ATAD2: variants seen among roughly 807,000 people sequenced by gnomAD.
ATAD2 encodes ATPase family AAA domain-containing protein 2.
A neutral mutation model predicts 168.9 loss-of-function variants in ATAD2; 62 were observed. The ratio of observed to expected loss-of-function variants is 0.37; its 90% CI spans 0.30 to 0.45. The LOEUF (loss-of-function observed/expected upper bound fraction) is 0.45, where lower values mean the gene tolerates loss of function less well. Among genes scored for constraint, ATAD2 ranks in the 20% least tolerant of loss-of-function variants. ATAD2 has a pLI of 1.00. For missense variants in ATAD2, 1,419 were observed against 1,667.8 expected (o/e 0.85, Z 2.60); for synonymous variants, 613 against 571.6 (o/e 1.07, Z -1.03).
intron 7 of ATAD2, 30 bp from the exon 8 acceptor site, chr8:123,369,205 G>GTATA (rs5894661): frequency 2.0e-4 from 126 of 635,572 alleles, no homozygotes; most frequent in Middle Eastern, 1.1e-3. Flanking sequence ...ATATATATTT[G>GTATA]TATATATATA....
chr8:123,351,524 T>C (rs530278469), intron 13 of ATAD2, among the ~76,000 whole-genome samples: 2 of 152,238 alleles, frequency 1.3e-5, no homozygotes, highest in African/African-American at 4.8e-5. Context: ...TGCAAAATGG[T>C]GACTTTCTGA....
chr8:123,399,582 C>T (rs1005647532), upstream of ATAD2, among the ~76,000 whole-genome samples: 4 of 152,018 alleles, frequency 2.6e-5, no homozygotes, highest in African/African-American at 4.8e-5. Context: ...TGAGGCCAGG[C>T]GGGGCGGCTC....
chr8:123,400,922 C>G, upstream of ATAD2: 4 of 1,398,574 alleles, frequency 2.9e-6, no homozygotes, highest in South Asian at 3.5e-5. This position sits in a 1 kb window ranked among gnomAD's most constrained non-coding sequence, Gnocchi z 4.5. Context: ...GGCTTCATCA[C>G]GGACCCCATG....
chr8:123,328,684 CAG>C, intron 24 of ATAD2, 105 bp from the exon 25 acceptor site: 1 of 1,174,808 alleles, frequency 8.5e-7, no homozygotes, highest in Non-Finnish European at 1.1e-6. Context: ...TGAGAAACCA[CAG>C]TATTTTGTAT....
intron 1 of ATAD2, among the ~76,000 whole-genome samples, chr8:123,408,040 T>C (rs1038286401): frequency 6.6e-6 from 1 of 152,186 alleles, no homozygotes; most frequent in African/African-American, 2.4e-5. Flanking sequence ...AATTAGAAAG[T>C]AAACATTAAT....
At chr8:123,326,602 G>A (rs1031450010) in intron 25 of ATAD2, among the ~76,000 whole-genome samples, 3 of 151,994 alleles carry the variant, frequency 2.0e-5, no homozygotes, top group South Asian at 2.1e-4. Flanking sequence ...CGTTTGAGCC[G>A]AGGAGGCAGA....
intron 1 of ATAD2, among the ~76,000 whole-genome samples, chr8:123,389,365 C>T (rs548363505): frequency 4.0e-5 from 6 of 148,228 alleles, no homozygotes; most frequent in African/African-American, 9.9e-5. Context: ...GTCGGCCGGG[C>T]GTGGTGGCTC....
intron 24 of ATAD2, among the ~76,000 whole-genome samples, chr8:123,330,008 G>C (rs1352377718): frequency 3.9e-5 from 5 of 128,908 alleles, no homozygotes; most frequent in African/African-American, 1.8e-4. Context: ...TTTTTTTTGA[G>C]ACAGGGTCTT....
chr8:123,370,382 C>T (rs996506837), intron 6 of ATAD2, among the ~76,000 whole-genome samples: 4 of 151,974 alleles, frequency 2.6e-5, no homozygotes, highest in Non-Finnish European at 4.4e-5. Context: ...AACTTTTTGA[C>T]AAGTTTTCAA....
chr8:123,346,596 T>C (rs775209571), intron 17 of ATAD2, 22 bp downstream of exon 17: 14 of 1,511,696 alleles, frequency 9.3e-6, no homozygotes, highest in East Asian at 4.7e-5. Context: ...GCAAAAAACA[T>C]TGATTTGCAA....
At chr8:123,378,701 CAAAAAAAAAA>C (rs71808201) in intron 2 of ATAD2, among the ~76,000 whole-genome samples, 2 of 73,046 alleles carry the variant, frequency 2.7e-5, no homozygotes, top group South Asian at 6.5e-4. Flanking sequence ...GACTGTGTCT[CAAAAAAAAAA>C]AAAAAAAAAA....
At chr8:123,365,780 G>C (rs1422467688) in intron 8 of ATAD2, among the ~76,000 whole-genome samples, 1 of 152,100 alleles carries the variant, frequency 6.6e-6, no homozygotes, top group Non-Finnish European at 1.5e-5. Flanking sequence ...AAGATGGATC[G>C]AGGACTTAAA....
At position 123,370,958 on chromosome 8, in the gene ATAD2, C is replaced by A; in HGVS notation, c.672G>T (p.Gln224His). Reference sequence around the variant, plus strand: ...CTTCATCAGTTCTTTGAATATCTTTCTGTTTTCCTCTTGTGTACATATTAA... The same window carrying A: ...CTTCATCAGTTCTTTGAATATCTTTATGTTTTCCTCTTGTGTACATATTAA... ...SNLNMYTRGK[Q>H]KDIQRTDEET... The change falls in exon 6 of 28, where the codon CAG becomes CAT. Residue 224 changes from glutamine to histidine, a missense_variant. Around this residue, in one of 5 missense-constraint regions of ATAD2, gnomAD observed 419 missense variants for 423.5 expected, o/e 0.99. Coordinates refer to ENST00000287394, the MANE Select transcript of ATAD2 (RefSeq NM_014109.4). 6.2e-7 allele frequency: 1 copy of A among 1,606,378 alleles called. No homozygotes were observed. The highest frequency in any genetic ancestry group is 1.3e-5 in the African/African-American group (1 of 74,762).
chr8:123,332,254 A>G (rs374686633), intron 24 of ATAD2, among the ~76,000 whole-genome samples: 3 of 152,208 alleles, frequency 2.0e-5, no homozygotes, highest in East Asian at 1.9e-4. Context: ...ATCCACACAT[A>G]TGTGGACCTG....
upstream of ATAD2, chr8:123,400,579 A>T (rs1331576624): frequency 1.9e-6 from 1 of 530,772 alleles, no homozygotes; most frequent in East Asian, 4.3e-5. The surrounding 1 kb of genome is among the most constrained non-coding windows in gnomAD (Gnocchi z 4.5). Context: ...TGGCAGCCTG[A>T]CAGACTACCT....
intron 8 of ATAD2, among the ~76,000 whole-genome samples, chr8:123,368,679 G>C (rs1252918312): frequency 6.6e-6 from 1 of 152,170 alleles, no homozygotes; most frequent in Non-Finnish European, 1.5e-5. Flanking sequence ...ATGCATCTGT[G>C]ATAGTATGCA....
intron 2 of ATAD2, among the ~76,000 whole-genome samples, chr8:123,373,960 T>C (rs936434903): frequency 2.6e-5 from 4 of 152,140 alleles, no homozygotes; most frequent in African/African-American, 9.7e-5. Flanking sequence ...CAACTTAAAG[T>C]AAAATAAAAC....
intron 24 of ATAD2, among the ~76,000 whole-genome samples, chr8:123,332,387 A>G (rs1049285230): frequency 2.6e-5 from 4 of 152,220 alleles, no homozygotes; most frequent in Non-Finnish European, 5.9e-5. Context: ...AATATATACT[A>G]ACATTCCAAA....
chr8:123,324,795 G>T (rs940526294), intron 26 of ATAD2, among the ~76,000 whole-genome samples: 4 of 152,176 alleles, frequency 2.6e-5, no homozygotes, highest in Non-Finnish European at 5.9e-5. Context: ...ACAGTGGTTA[G>T]GATGAAAATT....
Sources: allele counts gnomAD v4.1 joint callset (sites outside exome capture counted in the v4.1 genomes callset), GRCh38; gene constraint gnomAD v4.1.1; regional missense constraint gnomAD v4.1.1; non-coding constraint Gnocchi (gnomAD v3.1); transcripts MANE v1.5; gene names NCBI Gene and HGNC (gene_info 2026-07-23, HGNC 2026-07-21).